SGMS1: variants seen among roughly 807,000 people sequenced by gnomAD.
SGMS1 encodes the protein phosphatidylcholine:ceramide cholinephosphotransferase 1.
SGMS1 carries 13 observed loss-of-function variants against 46.2 expected under a neutral mutation model. The ratio of observed to expected loss-of-function variants is 0.28; its 90% CI spans 0.18 to 0.45. The LOEUF (loss-of-function observed/expected upper bound fraction) is 0.45. Among genes scored for constraint, SGMS1 ranks in the 20% least tolerant of loss-of-function variants. SGMS1 has a pLI of 1.00. For missense variants in SGMS1, 324 were observed against 519.9 expected (o/e 0.62, Z 3.66); for synonymous variants, 203 against 187.8 (o/e 1.08, Z -0.66).
intron 6 of SGMS1, among the ~76,000 whole-genome samples, chr10:50,391,527 G>T (rs1272006449): frequency 6.6e-6 from 1 of 152,154 alleles, no homozygotes; most frequent in Non-Finnish European, 1.5e-5. Context: ...ACAGATACTG[G>T]CAAGATTGTG....
chr10:50,343,829 C>T lies in SGMS1; in HGVS notation c.286G>A (p.Gly96Ser), dbSNP rs749623439. The change falls in exon 7 of 11, where the codon GGC (glycine) becomes AGC (serine). Residue 96 changes from glycine to serine, a missense_variant. This residue lies in a region of SGMS1 where 150 missense variants were observed against 169.8 expected (regional missense o/e 0.88). Transcript: ENST00000361781. ...GGTTTAATCTTGATGCTGAAGCTGC[C>T]GTCGGGGGTGGGGATGTCTACGCCA... ...NIGVDIPTPD[G>S]SFSIKIKPNG... 43 of 1,613,958 alleles carry T rather than the reference C, an allele frequency of 2.7e-5. No individual in the cohort carries two copies. The highest frequency in any genetic ancestry group is 2.2e-5 in the South Asian group (2 of 91,074).
At chr10:50,380,015 CA>C (rs2133470829) in intron 6 of SGMS1, among the ~76,000 whole-genome samples, 1 of 152,248 alleles carries the variant, frequency 6.6e-6, no homozygotes, top group South Asian at 2.1e-4. Context: ...TCTCGGTCAC[CA>C]AAATAAAACT....
intron 6 of SGMS1, among the ~76,000 whole-genome samples, chr10:50,392,676 T>G (rs1452021017): frequency 1.3e-5 from 2 of 152,060 alleles, no homozygotes; most frequent in Non-Finnish European, 2.9e-5. Flanking sequence ...GAAAGAAAAG[T>G]CAACAGACAA....
intron 1 of SGMS1, among the ~76,000 whole-genome samples, chr10:50,601,708 T>C (rs769258795): frequency 2.6e-5 from 4 of 152,242 alleles, no homozygotes; most frequent in Non-Finnish European, 5.9e-5. Flanking sequence ...ACTCATCAGA[T>C]GTAGTACAGG....
At chr10:50,376,496 A>G (rs1488437568) in intron 6 of SGMS1, among the ~76,000 whole-genome samples, 1 of 152,198 alleles carries the variant, frequency 6.6e-6, no homozygotes, top group Non-Finnish European at 1.5e-5. Flanking sequence ...GATTTGTTAC[A>G]TATGTATACA....
At chr10:50,396,191 C>G (rs979081218) in intron 6 of SGMS1, among the ~76,000 whole-genome samples, 1 of 152,108 alleles carries the variant, frequency 6.6e-6, no homozygotes, top group African/African-American at 2.4e-5. Flanking sequence ...CTTTGCTTCT[C>G]TGAGCCCTCA....
Position 50,585,643 on chromosome 10 carries a change from G to A in SGMS1, c.-589+4510C>T, listed in dbSNP as rs150411331. Among the ~76,000 whole-genome samples, 728 of 152,242 alleles carry A rather than the reference G, an allele frequency of 4.8e-3. 8 individuals are homozygous for A. The highest frequency in any genetic ancestry group is 8.2e-3 in the Non-Finnish European group (556 of 68,008). ...CTGACAGGGGATGCCCCTACACCAC[G>A]ATGTCATATTTTTGATTTATAGAAA... is the stretch of plus-strand genomic sequence containing the variant. On this transcript the variant is annotated intron_variant, in intron 2 of 10. Coordinates refer to ENST00000361781, the MANE Select transcript of SGMS1 (RefSeq NM_147156.4).
intron 1 of SGMS1, among the ~76,000 whole-genome samples, chr10:50,594,347 TG>T (rs1838570536): frequency 1.3e-5 from 2 of 152,214 alleles, no homozygotes; most frequent in Non-Finnish European, 2.9e-5. Context: ...GTTTTCTTCC[TG>T]GTAGATTCAC....
In SGMS1 at chr10:50,307,162, G is replaced by A. The variant is rs202216189; in HGVS notation, c.1222C>T (p.Arg408Trp). 9 of 1,613,816 alleles carry A rather than the reference G, an allele frequency of 5.6e-6. No homozygotes were observed. The highest frequency in any genetic ancestry group is 1.7e-4 in the Middle Eastern group (1 of 6,058). ...VHLSRQVKYS[R>W]LVNDT ...AGCTGTTATGTGTCATTCACCAGCC[G>A]GCTGTATTTAACTTGCCTACTGAGG... Residue 408 changes from arginine to tryptophan, a missense_variant, in exon 11 of 11, where the codon CGG (arginine) becomes TGG (tryptophan). Transcript: ENST00000361781. This position sits in a 1 kb window ranked among gnomAD's most constrained non-coding sequence, Gnocchi z 4.2.
At chr10:50,509,704 C>T (rs2133770705) in intron 3 of SGMS1, among the ~76,000 whole-genome samples, 1 of 152,310 alleles carries the variant, frequency 6.6e-6, no homozygotes, top group African/African-American at 2.4e-5. Flanking sequence ...ATAGTAATAG[C>T]TATTTCCATC....
chr10:50,489,428 G>A (rs975654408), intron 3 of SGMS1, among the ~76,000 whole-genome samples: 3 of 151,980 alleles, frequency 2.0e-5, no homozygotes, highest in African/African-American at 7.3e-5. Context: ...GATATTATTC[G>A]ACCTGCTTCT....
At chr10:50,535,118 G>A (rs2133809538) in intron 2 of SGMS1, among the ~76,000 whole-genome samples, 1 of 152,108 alleles carries the variant, frequency 6.6e-6, no homozygotes. Context: ...TGTAGTCCCA[G>A]CTACTCGGGA....
chr10:50,452,136 T>A (rs541900966), intron 5 of SGMS1, among the ~76,000 whole-genome samples: 279 of 152,246 alleles, frequency 1.8e-3, no homozygotes, highest in Non-Finnish European at 3.3e-3. Context: ...GTACATATAG[T>A]AAAATATTAG....
chr10:50,567,200 C>T (rs1838296248), intron 2 of SGMS1, among the ~76,000 whole-genome samples: 1 of 152,200 alleles, frequency 6.6e-6, no homozygotes, highest in African/African-American at 2.4e-5. Flanking sequence ...CTGCCTTGGC[C>T]TCCCAAAGTG....
chr10:50,516,509 T>G (rs1226861378), intron 3 of SGMS1, among the ~76,000 whole-genome samples: 1 of 152,218 alleles, frequency 6.6e-6, no homozygotes, highest in Non-Finnish European at 1.5e-5. Context: ...GAATAAGTAC[T>G]CTGTTCTAAT....
intron 3 of SGMS1, among the ~76,000 whole-genome samples, chr10:50,488,345 A>C (rs1469431116): frequency 6.6e-6 from 1 of 152,140 alleles, no homozygotes; most frequent in East Asian, 1.9e-4. Flanking sequence ...AAGAGCCTCC[A>C]GAACCCAATT....
intron 5 of SGMS1, among the ~76,000 whole-genome samples, chr10:50,440,822 G>A (rs1261305560): frequency 6.6e-6 from 1 of 152,152 alleles, no homozygotes; most frequent in Non-Finnish European, 1.5e-5. Flanking sequence ...TGTTGCTTAT[G>A]CTGGTCTCAA....
chr10:50,446,722 G>A (rs921622659), intron 5 of SGMS1, among the ~76,000 whole-genome samples: 17 of 152,148 alleles, frequency 1.1e-4, no homozygotes, highest in East Asian at 5.8e-4. Context: ...AATCACACTC[G>A]CACACGTGTT....
intron 5 of SGMS1, among the ~76,000 whole-genome samples, chr10:50,435,534 A>G (rs1029411180): frequency 3.3e-5 from 5 of 152,226 alleles, no homozygotes; most frequent in Non-Finnish European, 5.9e-5. Context: ...TCTCCACCTT[A>G]GTTGACAGCC....
Sources: gnomAD v4.1 joint callset for allele counts (sites outside exome capture counted in the v4.1 genomes callset) on GRCh38, gnomAD v4.1.1 for gene constraint, gnomAD v4.1.1 regional missense constraint, Gnocchi (gnomAD v3.1) non-coding constraint, MANE v1.5 for transcripts, NCBI Gene and HGNC (gene_info 2026-07-23, HGNC 2026-07-21) for gene names.